PCDHA2: variants seen among roughly 807,000 people sequenced by gnomAD.
PCDHA2 encodes protocadherin alpha 2, also known as protocadherin alpha-2.
PCDHA2 carries 58 observed loss-of-function variants against 66.0 expected under a neutral mutation model. The observed-to-expected ratio is 0.88, with a 90% confidence interval of 0.71 to 1.09. The LOEUF (loss-of-function observed/expected upper bound fraction) is 1.09. PCDHA2 is among the 50% of genes least tolerant of loss of function. The probability of loss-of-function intolerance (pLI) is 0.00; values close to 1 mark genes in which losing one functional copy is unlikely to be tolerated. For synonymous variants in PCDHA2, 634 were observed against 554.0 expected, an observed-to-expected ratio of 1.14 and a Z score of -2.03; for missense variants, 1,267 against 1,242.3, an observed-to-expected ratio of 1.02 and a Z score of -0.30.
At chr5:140,839,113 G>A (rs2150294815) in intron 1 of PCDHA2, among the ~76,000 whole-genome samples, 18 of 151,872 alleles carry the variant, frequency 1.2e-4, no homozygotes, top group African/African-American at 4.4e-4. Flanking sequence ...TTACCATTAA[G>A]CCATAATATG....
At chr5:140,878,516 G>A (rs2057626740) in intron 1 of PCDHA2, among the ~76,000 whole-genome samples, 1 of 152,122 alleles carries the variant, frequency 6.6e-6, no homozygotes. Context: ...CAGTACAGTT[G>A]GTAACCAACT....
intron 1 of PCDHA2, chr5:140,857,836 G>T: frequency 6.3e-7 from 1 of 1,597,926 alleles, no homozygotes; most frequent in Non-Finnish European, 8.6e-7. Context: ...TGCGCGCAGT[G>T]GACGCTGACT....
At chr5:140,801,772 T>G in intron 1 of PCDHA2, 1 of 1,614,060 alleles carries the variant, frequency 6.2e-7, no homozygotes, top group East Asian at 2.2e-5. Flanking sequence ...ATTAAATCCC[T>G]TGGACTCGTG....
At chr5:140,884,296 ACAGG>A in intron 1 of PCDHA2, 1 of 1,613,674 alleles carries the variant, frequency 6.2e-7, no homozygotes, top group Non-Finnish European at 8.5e-7. Flanking sequence ...GCCAAGCGCC[ACAGG>A]CTTCGTCGAG....
intron 1 of PCDHA2, among the ~76,000 whole-genome samples, chr5:140,904,096 T>C (rs2153483454): frequency 6.6e-6 from 1 of 152,312 alleles, no homozygotes; most frequent in Admixed American, 6.5e-5. Flanking sequence ...AATAACTACT[T>C]TAGTGGTCAT....
At chr5:140,936,112 C>T (rs782017334) in intron 1 of PCDHA2, among the ~76,000 whole-genome samples, 2 of 152,008 alleles carry the variant, frequency 1.3e-5, no homozygotes, top group Non-Finnish European at 2.9e-5. Context: ...AGGCTGGTCT[C>T]GAACTCCTGA....
chr5:140,797,742 C>G (rs1316831856), intron 1 of PCDHA2, among the ~76,000 whole-genome samples: 1 of 152,170 alleles, frequency 6.6e-6, no homozygotes, highest in African/African-American at 2.4e-5. Context: ...CACTGTCTAT[C>G]CAATCTGTCG....
chr5:140,985,845 C>T (rs1381097554), intron 3 of PCDHA2, among the ~76,000 whole-genome samples: 1 of 150,700 alleles, frequency 6.6e-6, no homozygotes, highest in African/African-American at 2.4e-5. Flanking sequence ...GTTCATGCCA[C>T]TCTCCTGCCT....
intron 3 of PCDHA2, among the ~76,000 whole-genome samples, chr5:140,985,802 C>T (rs567648207): frequency 1.1e-4 from 16 of 146,640 alleles, no homozygotes; most frequent in African/African-American, 3.3e-4. Flanking sequence ...TGCAGTGGCA[C>T]GATCTCAGCT....
At position 140,967,456 on chromosome 5, in the gene PCDHA2, G is replaced by A. The variant is rs781877104; in HGVS notation, c.2389-11493G>A. On this transcript the variant is annotated intron_variant, in intron 1 of 3. Transcript: ENST00000526136. The stretch of plus-strand genomic sequence containing the variant: ...TGCACCACCTGGTTCTCACAGCCGT[G>A]GATGGGGGCATCCCAGCCCGCTCGG... 4.3e-6 allele frequency: 7 copies of A among 1,613,480 alleles called. No homozygotes were observed. The South Asian group carries it at 6.6e-5, about 15-fold the overall frequency.
intron 3 of PCDHA2, among the ~76,000 whole-genome samples, chr5:140,989,551 C>A (rs964653534): frequency 1.3e-5 from 2 of 152,178 alleles, no homozygotes; most frequent in Non-Finnish European, 2.9e-5. Context: ...AATTCCTTTA[C>A]GTTTTGTGGC....
chr5:140,900,233 GT>G (rs1261263702), intron 1 of PCDHA2, among the ~76,000 whole-genome samples: 15 of 151,946 alleles, frequency 9.9e-5, no homozygotes, highest in African/African-American at 2.7e-4. Context: ...ACTGGATCTT[GT>G]TTTTTTTATG....
chr5:140,969,149 G>C (rs782510891), intron 1 of PCDHA2: 3 of 1,614,120 alleles, frequency 1.9e-6, no homozygotes, highest in South Asian at 1.1e-5. Context: ...CTGCTACAAG[G>C]CCTGTCTGAC....
At chr5:140,799,309 CT>C (rs1554120887) in intron 1 of PCDHA2, among the ~76,000 whole-genome samples, 2 of 152,178 alleles carry the variant, frequency 1.3e-5, no homozygotes, top group Admixed American at 1.3e-4. Flanking sequence ...ATTAGTATAA[CT>C]CTTAAAGGTA....
chr5:140,803,777 A>G, intron 1 of PCDHA2: 2 of 994,492 alleles, frequency 2.0e-6, no homozygotes, highest in South Asian at 3.4e-5. Context: ...CCAAATCAGC[A>G]GTAAGTTATG....
chr5:140,836,500 C>G, intron 1 of PCDHA2: 1 of 1,613,882 alleles, frequency 6.2e-7, no homozygotes, highest in Non-Finnish European at 8.5e-7. Flanking sequence ...GCCATCTGCG[C>G]GGTGTCCAGT....
At chr5:140,930,258 ATTTCT>A (rs1398620749) in intron 1 of PCDHA2, 6 of 152,342 alleles carry the variant, frequency 3.9e-5, no homozygotes, top group African/African-American at 1.4e-4. Flanking sequence ...CTTGGATTTA[ATTTCT>A]TTTATTTTAG....
chr5:140,856,900 C>A, intron 1 of PCDHA2: 1 of 1,596,130 alleles, frequency 6.3e-7, no homozygotes, highest in Non-Finnish European at 8.6e-7. Flanking sequence ...GCTCTTTGGT[C>A]CCACCCACGA....
At chr5:140,918,816 A>C (rs1178287306) in intron 1 of PCDHA2, among the ~76,000 whole-genome samples, 1 of 62,452 alleles carries the variant, frequency 1.6e-5, no homozygotes, top group Admixed American at 1.3e-4. Context: ...ATGAACCAAA[A>C]AGTGGCCCCC....
Sources: gnomAD v4.1 joint callset for allele counts (sites outside exome capture counted in the v4.1 genomes callset) on GRCh38, gnomAD v4.1.1 for gene constraint, MANE v1.5 for transcripts, NCBI Gene and HGNC (gene_info 2026-07-23, HGNC 2026-07-21) for gene names.